The following CUBN variants were observed in gnomAD, a reference collection of about 807,000 sequenced individuals.
CUBN encodes cubilin.
In CUBN, 282 loss-of-function variants were observed where a neutral mutation model predicts 405.3. That is an observed-to-expected ratio of 0.70 (90% CI 0.63 to 0.77). CUBN has a LOEUF of 0.77. Ranked by LOEUF, CUBN falls within the 30% of genes least tolerant of loss-of-function variation. CUBN has a pLI of 0.00. For missense variants in CUBN, 4,514 were observed against 4,475.2 expected (o/e 1.01, Z -0.25); for synonymous variants, 1,684 against 1,617.0 (o/e 1.04, Z -0.99).
Position 17,109,570 on chromosome 10 carries a change from T to C in CUBN, c.1111+70A>G, listed in dbSNP as rs901030765. On this transcript the variant is annotated intron_variant, in intron 10 of 66. Coordinates refer to ENST00000377833, the MANE Select transcript of CUBN (RefSeq NM_001081.4). ...ATTTTGAGAACAGAGGATTTTGTGTTTAAGATGTTGAATTGGTTTAGAAGG... is the reference window on the plus strand; with the variant it reads ...ATTTTGAGAACAGAGGATTTTGTGTCTAAGATGTTGAATTGGTTTAGAAGG... 2.4e-6 allele frequency: 3 copies of C among 1,241,578 alleles called. No homozygotes were observed. The African/African-American group carries it at 4.4e-5, about 18-fold the overall frequency. 76.9% of individuals were successfully genotyped at this position (1,241,578 alleles called of 1,614,324 possible).
At chr10:17,056,168 G>A (rs932322676) in intron 22 of CUBN, among the ~76,000 whole-genome samples, 31 of 152,060 alleles carry the variant, frequency 2.0e-4, no homozygotes, top group African/African-American at 7.5e-4. Context: ...AATTCAGTGG[G>A]AGTGGGGGTG....
intron 36 of CUBN, among the ~76,000 whole-genome samples, chr10:16,946,490 CTTTTTT>C (rs775415655): frequency 1.7e-5 from 2 of 121,074 alleles, no homozygotes; most frequent in Non-Finnish European, 3.5e-5. Flanking sequence ...AAAACCATTC[CTTTTTT>C]TTTTTTTTTT....
chr10:17,049,447 G>T (rs1262025833), intron 22 of CUBN, among the ~76,000 whole-genome samples: 1 of 152,154 alleles, frequency 6.6e-6, no homozygotes, highest in Non-Finnish European at 1.5e-5. Flanking sequence ...CTTGTCTGTG[G>T]GAGAATGTTA....
chr10:17,010,625 C>A lies in CUBN; in HGVS notation c.4168+9208G>T, dbSNP rs1456166931. On this transcript the variant is annotated intron_variant, in intron 28 of 66. Transcript: ENST00000377833. Reference sequence around the variant, plus strand: ...CTGCACTCCAGTTTGGATGACAGAGCAAGATCCTATCTTGATAAATAAATA... The same window carrying A: ...CTGCACTCCAGTTTGGATGACAGAGAAAGATCCTATCTTGATAAATAAATA... Among the ~76,000 whole-genome samples, 3 of 151,840 alleles carry A rather than the reference C, an allele frequency of 2.0e-5. No homozygotes were observed. The South Asian group carries it at 6.2e-4, about 32-fold the overall frequency.
chr10:17,072,275 T>A (rs543642519), intron 17 of CUBN, among the ~76,000 whole-genome samples: 9 of 151,002 alleles, frequency 6.0e-5, no homozygotes, highest in Admixed American at 4.6e-4. Context: ...TGGAAAACAA[T>A]AAAAAATGAG....
chr10:16,926,868 T>G (rs1168850703), intron 41 of CUBN, among the ~76,000 whole-genome samples: 5 of 151,456 alleles, frequency 3.3e-5, no homozygotes, highest in Admixed American at 6.6e-5. Flanking sequence ...TACAAGTGGT[T>G]TTTCGTTACA....
At position 16,851,398 on chromosome 10, in the gene CUBN, G is replaced by T; in HGVS notation, c.9500C>A (p.Thr3167Asn). Residue 3167 changes from threonine to asparagine, a missense_variant, in exon 60 of 67, where the codon ACC (threonine) becomes AAC (asparagine). Coordinates refer to ENST00000377833, the MANE Select transcript of CUBN (RefSeq NM_001081.4). The part of the protein sequence containing the change: ...CGGYLTGSNN[T>N]FASPDSDSNG... Reference sequence around the variant, plus strand: ...CGAATCAGAATCAGGAGAGGCAAAGGTATTATTCGAGCCTGTCAGATAACC... The same window carrying T: ...CGAATCAGAATCAGGAGAGGCAAAGTTATTATTCGAGCCTGTCAGATAACC... 1 of 1,614,070 alleles carries T rather than the reference G, an allele frequency of 6.2e-7. No homozygotes were observed. The highest frequency in any genetic ancestry group is 8.5e-7 in the Non-Finnish European group (1 of 1,180,016).
At position 17,045,997 on chromosome 10, in the gene CUBN, A is replaced by T; in HGVS notation, c.3427T>A (p.Phe1143Ile). The T allele has an allele frequency of 6.2e-7, 1 of 1,613,976 alleles. No homozygotes were observed. The highest frequency in any genetic ancestry group is 8.5e-7 in the Non-Finnish European group (1 of 1,179,946). ...ISHSNKLWLK[F>I]KSDQIDTRSG... Reference sequence around the variant, plus strand: ...CTTGTGTCTATTTGGTCACTCTTAAATTTTAACCATAGTTTGTTACTATGA... The same window carrying T: ...CTTGTGTCTATTTGGTCACTCTTAATTTTTAACCATAGTTTGTTACTATGA... Residue 1143 changes from phenylalanine (F) to isoleucine (I), a missense_variant, in exon 24 of 67, where the codon TTT becomes ATT. Phe to Ile is a conservative substitution (Grantham distance 21, BLOSUM62 0). This residue lies in a region of CUBN where 1,448 missense variants were observed against 1,388.0 expected (regional missense o/e 1.04). Transcript: ENST00000377833.
At chr10:16,877,165 A>C in intron 56 of CUBN, 68 bp from the exon 57 acceptor site, 9 of 1,377,752 alleles carry the variant, frequency 6.5e-6, no homozygotes, top group Non-Finnish European at 9.1e-6. Flanking sequence ...CATAAAAATA[A>C]AAACAAAAAT....
intron 22 of CUBN, among the ~76,000 whole-genome samples, chr10:17,049,990 T>A (rs554326172): frequency 2.0e-5 from 3 of 152,178 alleles, no homozygotes; most frequent in Non-Finnish European, 2.9e-5. Context: ...TCCCAGTAAG[T>A]AGTTGTTGAA....
At chr10:17,036,676 GA>G (rs1834909107) in intron 27 of CUBN, among the ~76,000 whole-genome samples, 1 of 152,146 alleles carries the variant, frequency 6.6e-6, no homozygotes, top group Non-Finnish European at 1.5e-5. Flanking sequence ...AGATCAGTAA[GA>G]TTAACAGTAA....
chr10:16,976,845 C>G (rs1052473713), intron 31 of CUBN, among the ~76,000 whole-genome samples: 1 of 152,142 alleles, frequency 6.6e-6, no homozygotes, highest in East Asian at 1.9e-4. Context: ...CCTAGTCCCC[C>G]CAAAAAGCCT....
chr10:16,977,033 CTT>C (rs779677524), intron 31 of CUBN, among the ~76,000 whole-genome samples: 6 of 152,136 alleles, frequency 3.9e-5, no homozygotes. Context: ...TGCCAGGTAA[CTT>C]TACTATCTGG....
At chr10:16,869,204 C>T (rs1302797085) in intron 59 of CUBN, among the ~76,000 whole-genome samples, 1 of 134,928 alleles carries the variant, frequency 7.4e-6, no homozygotes, top group Non-Finnish European at 1.5e-5. Context: ...CTCATTCTGT[C>T]ACCCAGGCTA....
intron 31 of CUBN, among the ~76,000 whole-genome samples, chr10:16,958,056 G>C (rs886589118): frequency 3.9e-5 from 6 of 152,142 alleles, no homozygotes; most frequent in African/African-American, 1.4e-4. Flanking sequence ...AGTCTGAGTG[G>C]TTGGAATCCT....
chr10:17,056,173 G>A (rs143551327), intron 22 of CUBN, among the ~76,000 whole-genome samples: 10 of 152,138 alleles, frequency 6.6e-5, no homozygotes, highest in East Asian at 1.9e-4. Flanking sequence ...AGTGGGAGTG[G>A]GGGTGAAGGA....
chr10:16,973,014 A>T (rs1474749756), intron 31 of CUBN, among the ~76,000 whole-genome samples: 1 of 152,118 alleles, frequency 6.6e-6, no homozygotes, highest in Non-Finnish European at 1.5e-5. Context: ...TACAGCTCTG[A>T]GTATGTTATT....
chr10:16,863,635 G>T (rs528177705), intron 59 of CUBN, among the ~76,000 whole-genome samples: 2 of 152,230 alleles, frequency 1.3e-5, no homozygotes, highest in African/African-American at 4.8e-5. Flanking sequence ...GCCTCACAAA[G>T]TTTAAATTTA....
At chr10:17,060,769 G>A (rs1835488741) in intron 22 of CUBN, among the ~76,000 whole-genome samples, 1 of 152,136 alleles carries the variant, frequency 6.6e-6, no homozygotes, top group African/African-American at 2.4e-5. Flanking sequence ...TCCAAATTAT[G>A]GCTGGGTGCG....
Sources: allele counts gnomAD v4.1 joint callset (sites outside exome capture counted in the v4.1 genomes callset), GRCh38; gene constraint gnomAD v4.1.1; regional missense constraint gnomAD v4.1.1; transcripts MANE v1.5; gene names NCBI Gene and HGNC (gene_info 2026-07-23, HGNC 2026-07-21).